Variants in ANKRD33B observed in about 807,000 individuals in gnomAD.
The protein encoded by ANKRD33B is ankyrin repeat domain 33B, also known as ankyrin repeat domain-containing protein 33B.
Under a neutral mutation model 21.5 loss-of-function variants are expected in ANKRD33B, and 6 were observed. The observed-to-expected ratio is 0.28, with a 90% CI of 0.15 to 0.55. ANKRD33B has a LOEUF of 0.55. Among genes scored for constraint, ANKRD33B ranks in the 20% least tolerant of loss-of-function variants. The probability of loss-of-function intolerance (pLI) is 0.94; values close to 1 mark genes in which losing one functional copy is unlikely to be tolerated. For missense variants in ANKRD33B, 698 were observed against 747.2 expected, an observed-to-expected ratio of 0.93 and a Z score of 0.77; for synonymous variants, 347 against 342.4, an observed-to-expected ratio of 1.01 and a Z score of -0.15.
At chr5:10,589,254 C>G (rs1192997906) in intron 1 of ANKRD33B, among the ~76,000 whole-genome samples, 1 of 151,192 alleles carries the variant, frequency 6.6e-6, no homozygotes, top group Non-Finnish European at 1.5e-5. Context: ...GTCGAAGGAG[C>G]AGGTCCTGGA....
rs775220816 is a variant in ANKRD33B at position 10,649,411 on chromosome 5, C to T, written c.783C>T (p.Pro261=). Residue 261 remains proline, a synonymous_variant, in exon 4 of 4, where the codon CCC becomes CCT. Coordinates refer to ENST00000296657, the MANE Select transcript of ANKRD33B (RefSeq NM_001164440.2). ...AGCAGTTCTGGGAGAAGTACCGGCC[C>T]GAGCTGCCGCCGCCCCCTGAAGCGG... is the stretch of plus-strand genomic sequence containing the variant. ...CPEQFWEKYR[P]ELPPPPEAAR... The T allele has an allele frequency of 5.9e-5, 90 of 1,535,420 alleles. No homozygotes were observed. The East Asian group carries it at 1.3e-3, about 23-fold the overall frequency.
At chr5:10,618,260 C>T in intron 1 of ANKRD33B, 73 bp from the exon 2 acceptor site, 1 of 1,529,136 alleles carries the variant, frequency 6.5e-7, no homozygotes, top group South Asian at 1.2e-5. Context: ...GTGGGTGCCC[C>T]TCGGGGTCCC....
intron 1 of ANKRD33B, among the ~76,000 whole-genome samples, chr5:10,594,344 AG>A (rs1263039587): frequency 2.0e-5 from 3 of 148,212 alleles, no homozygotes; most frequent in Non-Finnish European, 4.4e-5. Flanking sequence ...CAGGCTCCTG[AG>A]GAGCTGGGAT....
intron 2 of ANKRD33B, among the ~76,000 whole-genome samples, chr5:10,633,191 TC>T (rs1389930302): frequency 6.7e-6 from 1 of 148,962 alleles, no homozygotes; most frequent in Non-Finnish European, 1.5e-5. Context: ...AACCTCCACC[TC>T]CTGGGTTCAA....
intron 1 of ANKRD33B, among the ~76,000 whole-genome samples, chr5:10,568,626 C>A (rs963699921): frequency 6.6e-6 from 1 of 152,234 alleles, no homozygotes. Context: ...CCTCCGCCTC[C>A]GGGGTTCAAG....
chr5:10,564,607 C>T lies in ANKRD33B; in HGVS notation c.140C>T (p.Pro47Leu). 6.5e-7 allele frequency: 1 copy of T among 1,534,940 alleles called. No homozygotes were observed. Among genetic ancestry groups the T allele is most frequent in the East Asian group, 2.4e-5 (1 of 40,886 alleles). Residue 47 changes from proline to leucine, a missense_variant, in exon 1 of 4, where the codon CCA (proline) becomes CTA (leucine). By Grantham distance (98) the Pro-to-Leu change is moderately conservative. This residue lies in a region of ANKRD33B where 148 missense variants were observed against 154.9 expected (regional missense o/e 0.96). Coordinates refer to ENST00000296657, the MANE Select transcript of ANKRD33B (RefSeq NM_001164440.2). ...YEEFEDFSSL[P>L]DTRSIASDDS... The stretch of plus-strand genomic sequence containing the variant: ...GAGTTTGAGGACTTCTCGAGTCTGC[C>T]AGACACCCGCAGCATCGCCTCGGAC...
intron 2 of ANKRD33B, among the ~76,000 whole-genome samples, chr5:10,629,921 T>C (rs1442621948): frequency 1.3e-5 from 2 of 152,184 alleles, no homozygotes; most frequent in Non-Finnish European, 2.9e-5. Flanking sequence ...AGTCTCATTG[T>C]AAGAAGGTCA....
intron 1 of ANKRD33B, among the ~76,000 whole-genome samples, chr5:10,594,866 A>G (rs533127017): frequency 1.3e-5 from 2 of 152,292 alleles, no homozygotes; most frequent in African/African-American, 4.8e-5. Context: ...AGTGCCTTCC[A>G]GGTACAGGCA....
chr5:10,624,113 C>T (rs945630830), intron 2 of ANKRD33B, among the ~76,000 whole-genome samples: 9 of 149,464 alleles, frequency 6.0e-5, no homozygotes, highest in East Asian at 1.9e-4. Flanking sequence ...TGTTTTCTTT[C>T]GTTCTTTCTT....
At chr5:10,603,117 T>C (rs1176065473) in intron 1 of ANKRD33B, among the ~76,000 whole-genome samples, 2 of 152,008 alleles carry the variant, frequency 1.3e-5, no homozygotes, top group Non-Finnish European at 2.9e-5. Flanking sequence ...CCCGGCCTGA[T>C]GGTCTATTTA....
intron 2 of ANKRD33B, among the ~76,000 whole-genome samples, chr5:10,629,630 G>T (rs980200209): frequency 1.1e-4 from 17 of 152,186 alleles, no homozygotes; most frequent in African/African-American, 3.9e-4. Flanking sequence ...GGAAAGAGTT[G>T]ATGTGGAAGC....
rs571248994 is a variant in ANKRD33B, at chr5:10,609,326, G to A, written c.367-9007G>A. Among the ~76,000 whole-genome samples the A allele has an allele frequency of 1.6e-4, 25 of 152,276 alleles. 1 individual carries two copies. Among genetic ancestry groups the A allele is most frequent in the African/African-American group, 4.6e-4 (19 of 41,552 alleles). Reference sequence around the variant, plus strand: ...TCAGCACTTTGGGAGGCAGAGGTGCGCAGATCACTTGAGCCCAGGAGTTCG... The same window carrying A: ...TCAGCACTTTGGGAGGCAGAGGTGCACAGATCACTTGAGCCCAGGAGTTCG... On this transcript the variant is annotated intron_variant, in intron 1 of 3. Transcript: ENST00000296657.
intron 1 of ANKRD33B, among the ~76,000 whole-genome samples, chr5:10,610,782 C>G (rs1239201405): frequency 6.6e-6 from 1 of 152,150 alleles, no homozygotes; most frequent in Non-Finnish European, 1.5e-5. Context: ...CAGTGGCTCA[C>G]GTCTGTAATC....
intron 1 of ANKRD33B, among the ~76,000 whole-genome samples, chr5:10,587,008 A>ATTTATTTG (rs1735580492): frequency 1.3e-5 from 2 of 151,384 alleles, no homozygotes; most frequent in African/African-American, 4.9e-5. Flanking sequence ...TTTATTTATT[A>ATTTATTTG]TTTATTTATT....
At position 10,604,647 on chromosome 5, in the gene ANKRD33B, T is replaced by A. The variant is rs1324184818; in HGVS notation, c.367-13686T>A. ...ATATCTAATCTCGCTGCACCTAACA[T>A]CTAGTAGATCTCAATGGCTAATAAT... is the stretch of plus-strand genomic sequence containing the variant. On this transcript the variant is annotated intron_variant, in intron 1 of 3. Coordinates refer to ENST00000296657, the MANE Select transcript of ANKRD33B (RefSeq NM_001164440.2). Among the ~76,000 whole-genome samples the A allele has an allele frequency of 2.0e-5, 3 of 152,140 alleles. No individual in the cohort carries two copies. In the East Asian group the frequency reaches 5.8e-4, roughly 29 times the overall value.
rs753483732 is a variant in ANKRD33B, at chr5:10,638,113, G to T, written c.582G>T (p.Leu194=). 38 of 1,537,366 alleles carry T rather than the reference G, an allele frequency of 2.5e-5. No individual in the cohort carries two copies. The South Asian group carries it at 4.5e-4, about 18-fold the overall frequency. Residue 194 remains leucine, a synonymous_variant, in exon 3 of 4, where the codon CTG becomes CTT. Coordinates refer to ENST00000296657, the MANE Select transcript of ANKRD33B (RefSeq NM_001164440.2). ...GGAACGCGTTCGGGTTCACCGCCCT[G>T]ATGAAAGCCGCCATGCAGGGTCGAA... The part of the protein sequence containing the change: ...ERRNAFGFTA[L]MKAAMQGRTD...
chr5:10,566,075 G>C (rs1221035208), intron 1 of ANKRD33B, among the ~76,000 whole-genome samples: 1 of 152,164 alleles, frequency 6.6e-6, no homozygotes, highest in Non-Finnish European at 1.5e-5. Context: ...ACCTCCCACC[G>C]TGTCCCTCCC....
intron 2 of ANKRD33B, chr5:10,624,957 C>T: frequency 2.8e-6 from 1 of 358,260 alleles, no homozygotes; most frequent in Non-Finnish European, 5.5e-6. Context: ...GGCCCAGGGA[C>T]CCCACATTGA....
intron 2 of ANKRD33B, among the ~76,000 whole-genome samples, chr5:10,634,398 A>G (rs1736805261): frequency 6.6e-6 from 1 of 151,266 alleles, no homozygotes; most frequent in Non-Finnish European, 1.5e-5. Flanking sequence ...GGCTTCTCTG[A>G]GGATTTCAGG....
Sources: gnomAD v4.1 joint callset for allele counts (sites outside exome capture counted in the v4.1 genomes callset) on GRCh38, gnomAD v4.1.1 for gene constraint, gnomAD v4.1.1 regional missense constraint, MANE v1.5 for transcripts, NCBI Gene and HGNC (gene_info 2026-07-23, HGNC 2026-07-21) for gene names.